The following UBE2E2 variants were observed in gnomAD, a reference collection of about 807,000 sequenced individuals.
UBE2E2 encodes the protein ubiquitin conjugating enzyme E2 E2, also known as ubiquitin-conjugating enzyme E2 E2.
In UBE2E2, 6 loss-of-function variants were observed where a neutral mutation model predicts 24.7. That is an observed-to-expected ratio of 0.24 (90% CI 0.13 to 0.48). The LOEUF (loss-of-function observed/expected upper bound fraction) is 0.48. Among genes scored for constraint, UBE2E2 ranks in the 20% least tolerant of loss-of-function variants. The pLI is 0.99. For synonymous variants in UBE2E2, 104 were observed against 83.6 expected, an observed-to-expected ratio of 1.24 and a Z score of -1.33; for missense variants, 169 against 245.0, an observed-to-expected ratio of 0.69 and a Z score of 2.07.
chr3:23,421,554 C>G (rs1297406328), intron 3 of UBE2E2, among the ~76,000 whole-genome samples: 1 of 152,174 alleles, frequency 6.6e-6, no homozygotes, highest in Non-Finnish European at 1.5e-5. Flanking sequence ...TTACAGGCAC[C>G]TGCCACCACT....
intron 5 of UBE2E2, among the ~76,000 whole-genome samples, chr3:23,563,322 T>G (rs1286860900): frequency 6.6e-6 from 1 of 152,236 alleles, no homozygotes; most frequent in Non-Finnish European, 1.5e-5. Context: ...TTCATTTTGT[T>G]ATGTACCCAG....
chr3:23,557,064 T>C (rs1695808102), intron 5 of UBE2E2, among the ~76,000 whole-genome samples: 1 of 152,176 alleles, frequency 6.6e-6, no homozygotes. Flanking sequence ...TACTAAACAT[T>C]GAAATAGATG....
intron 3 of UBE2E2, among the ~76,000 whole-genome samples, chr3:23,363,283 C>G (rs1696170412): frequency 6.6e-6 from 1 of 152,214 alleles, no homozygotes; most frequent in Non-Finnish European, 1.5e-5. Context: ...ATGATGAAAT[C>G]AGACCTGCAT....
chr3:23,236,483 CT>C (rs530403264), intron 3 of UBE2E2, among the ~76,000 whole-genome samples: 1,246 of 124,300 alleles, frequency 0.01, 18 homozygotes, highest in African/African-American at 0.026. Flanking sequence ...TTCTTAGGTC[CT>C]TTTTTTTTTT....
chr3:23,490,856 T>C (rs779395910), intron 3 of UBE2E2, among the ~76,000 whole-genome samples: 5 of 152,256 alleles, frequency 3.3e-5, no homozygotes. Context: ...AAATGATATT[T>C]GGTGAAAGAT....
chr3:23,558,675 C>G (rs1396601810), intron 5 of UBE2E2, among the ~76,000 whole-genome samples: 1 of 152,110 alleles, frequency 6.6e-6, no homozygotes, highest in African/African-American at 2.4e-5. Context: ...GGCATTGTTT[C>G]CTAGCATTGG....
intron 5 of UBE2E2, among the ~76,000 whole-genome samples, chr3:23,585,370 C>CAAAAAA (rs71620785): frequency 1.2e-5 from 1 of 86,144 alleles, no homozygotes. Flanking sequence ...GACCCTGTCT[C>CAAAAAA]AAAAAAAAAA....
intron 3 of UBE2E2, among the ~76,000 whole-genome samples, chr3:23,302,121 A>G (rs1361480137): frequency 1.3e-5 from 2 of 152,004 alleles, no homozygotes; most frequent in African/African-American, 4.8e-5. Flanking sequence ...TGGGCTCTCC[A>G]TGATTACTTT....
At chr3:23,525,983 C>T (rs1694987809) in intron 4 of UBE2E2, among the ~76,000 whole-genome samples, 1 of 152,194 alleles carries the variant, frequency 6.6e-6, no homozygotes, top group African/African-American at 2.4e-5. Flanking sequence ...CAAACAATTC[C>T]TTATCAGTTT....
intron 3 of UBE2E2, among the ~76,000 whole-genome samples, chr3:23,393,661 GA>G (rs1697005488): frequency 6.6e-6 from 1 of 152,110 alleles, no homozygotes; most frequent in African/African-American, 2.4e-5. Context: ...TTAATTTTAT[GA>G]AACAATAATG....
chr3:23,566,270 C>T (rs1048516469), intron 5 of UBE2E2, among the ~76,000 whole-genome samples: 20 of 152,178 alleles, frequency 1.3e-4, no homozygotes, highest in African/African-American at 2.4e-5. Context: ...GCATTTGGGA[C>T]ATCAAGTTAT....
intron 3 of UBE2E2, among the ~76,000 whole-genome samples, chr3:23,227,388 T>A (rs1483390605): frequency 6.6e-6 from 1 of 152,232 alleles, no homozygotes; most frequent in Non-Finnish European, 1.5e-5. Flanking sequence ...GGAGGCATAT[T>A]ATTGGTAAAC....
At chr3:23,273,338 G>T (rs1002466754) in intron 3 of UBE2E2, among the ~76,000 whole-genome samples, 3 of 152,004 alleles carry the variant, frequency 2.0e-5, no homozygotes, top group African/African-American at 7.2e-5. Flanking sequence ...AGGAGATCGA[G>T]ACCATGGTGA....
intron 3 of UBE2E2, among the ~76,000 whole-genome samples, chr3:23,485,185 C>G (rs113333267): frequency 0.04 from 5,992 of 150,856 alleles, 423 homozygotes; most frequent in African/African-American, 0.14. Flanking sequence ...ACCTCCACCT[C>G]CAGGGTTCAA....
chr3:23,311,916 A>C (rs543256420), intron 3 of UBE2E2, among the ~76,000 whole-genome samples: 11 of 152,216 alleles, frequency 7.2e-5, no homozygotes, highest in Non-Finnish European at 1.5e-4. Context: ...TGTCTCCACC[A>C]AATCTCATGT....
intron 3 of UBE2E2, among the ~76,000 whole-genome samples, chr3:23,227,318 T>C (rs912307996): frequency 2.6e-5 from 4 of 152,214 alleles, no homozygotes; most frequent in Admixed American, 2.6e-4. Context: ...TATATCCATA[T>C]CTTCATTTGT....
At chr3:23,370,832 A>G (rs1696381730) in intron 3 of UBE2E2, among the ~76,000 whole-genome samples, 1 of 152,198 alleles carries the variant, frequency 6.6e-6, no homozygotes, top group Non-Finnish European at 1.5e-5. Context: ...GAGGAAGGTG[A>G]TAAACAAATG....
intron 5 of UBE2E2, among the ~76,000 whole-genome samples, chr3:23,534,906 C>G (rs530085763): frequency 1.3e-5 from 2 of 152,168 alleles, no homozygotes; most frequent in East Asian, 1.9e-4. Flanking sequence ...TATAATGATA[C>G]AAATTTAACT....
In UBE2E2 at chr3:23,499,689, G is replaced by T. The variant is rs1177427318; in HGVS notation, c.309G>T (p.Val103=). The T allele has an allele frequency of 6.2e-7, 1 of 1,613,890 alleles. No individual in the cohort carries two copies. The highest frequency in any genetic ancestry group is 1.7e-5 in the Admixed American group (1 of 59,998). The change falls in exon 4 of 6, where the codon GTG becomes GTT. Residue 103 remains valine, a synonymous_variant. Coordinates refer to ENST00000396703, the MANE Select transcript of UBE2E2 (RefSeq NM_152653.4). ...CAGGATCTGTCTATGAAGGAGGGGT[G>T]TTCTTTCTTGACATTACCTTTTCAC... The part of the protein sequence containing the change: ...GPPGSVYEGG[V]FFLDITFSPD...
Sources: gnomAD v4.1 joint callset for allele counts (sites outside exome capture counted in the v4.1 genomes callset) on GRCh38, gnomAD v4.1.1 for gene constraint, MANE v1.5 for transcripts, NCBI Gene and HGNC (gene_info 2026-07-23, HGNC 2026-07-21) for gene names.